The following CNTN1 variants were observed in gnomAD, a reference collection of about 807,000 sequenced individuals.
CNTN1 encodes the protein contactin-1.
Under a neutral mutation model 126.4 loss-of-function variants are expected in CNTN1, and 38 were observed. That is an observed-to-expected ratio of 0.30 (90% CI 0.23 to 0.39). The LOEUF (loss-of-function observed/expected upper bound fraction) is 0.39, where lower values mean the gene tolerates loss of function less well. Ranked by LOEUF, CNTN1 falls within the 10% of genes least tolerant of loss-of-function variation. The pLI is 1.00. For synonymous variants in CNTN1, 413 were observed against 422.6 expected, an observed-to-expected ratio of 0.98 and a Z score of 0.28; for missense variants, 1,009 against 1,248.4, an observed-to-expected ratio of 0.81 and a Z score of 2.89.
chr12:40,830,855 A>T (rs1322872223), intron 1 of CNTN1, among the ~76,000 whole-genome samples: 2 of 111,892 alleles, frequency 1.8e-5, no homozygotes, highest in Non-Finnish European at 3.6e-5. Context: ...TGTCTACCTA[A>T]CTATCTAGTT....
intron 23 of CNTN1, among the ~76,000 whole-genome samples, chr12:41,064,769 C>CTAGATAGA (rs59729389): frequency 0.31 from 45,961 of 150,570 alleles, 7,414 homozygotes; most frequent in African/African-American, 0.41. Flanking sequence ...TGCTACCTCT[C>CTAGATAGA]TAGATAGATA....
At chr12:40,953,688 A>C (rs570584679) in intron 14 of CNTN1, among the ~76,000 whole-genome samples, 3 of 152,052 alleles carry the variant, frequency 2.0e-5, no homozygotes, top group Non-Finnish European at 2.9e-5. Flanking sequence ...AAAAATCGTA[A>C]AAGAGTTCAT....
At chr12:41,052,022 T>G (rs1317114580) in intron 23 of CNTN1, among the ~76,000 whole-genome samples, 6 of 151,750 alleles carry the variant, frequency 4.0e-5, no homozygotes, top group Non-Finnish European at 8.8e-5. Context: ...GCAGACTCAC[T>G]CTCCACACAC....
rs1950172526 is a variant in CNTN1 at position 41,072,338 on chromosome 12, T to C, written c.*2303T>C. 1 of 152,234 alleles carries C rather than the reference T, an allele frequency of 6.6e-6. No individual in the cohort carries two copies. Among genetic ancestry groups the C allele is most frequent in the Non-Finnish European group, 1.5e-5 (1 of 68,038 alleles). 9.4% of individuals were successfully genotyped at this position (152,234 alleles called of 1,614,324 possible). A position where few individuals can be genotyped will look rare whatever the true frequency, so the allele number is the denominator to read the frequency against. ...TTATCATTTTTTCAATGGAGTAGTA[T>C]AGGACTGTGCTTTGTCCTTTTTATG... On this transcript the variant is annotated 3_prime_UTR_variant, in exon 24 of 24. Transcript: ENST00000551295.
At chr12:40,908,306 C>CTCCTCTCCTCCTCTCCCCTTCCTTCCCG in intron 1 of CNTN1, 51 bp from the exon 2 acceptor site, 1 of 647,900 alleles carries the variant, frequency 1.5e-6, no homozygotes, top group Non-Finnish European at 2.7e-6. Flanking sequence ...CTTCCTTCCC[C>CTCCTCTCCTCCTCTCCCCTTCCTTCCCG]TCTCCTTCCT....
chr12:40,791,839 A>G (rs1940232066), intron 1 of CNTN1, among the ~76,000 whole-genome samples: 1 of 152,106 alleles, frequency 6.6e-6, no homozygotes, highest in South Asian at 2.1e-4. Flanking sequence ...TGATATTTCA[A>G]TGATTGGGAG....
intron 1 of CNTN1, among the ~76,000 whole-genome samples, chr12:40,883,703 A>T (rs909247964): frequency 1.3e-5 from 2 of 151,636 alleles, no homozygotes; most frequent in African/African-American, 4.8e-5. Context: ...AAGCAAAAAA[A>T]TAATCTATTA....
At chr12:41,064,173 C>CAAAA (rs35620860) in intron 23 of CNTN1, among the ~76,000 whole-genome samples, 1 of 111,766 alleles carries the variant, frequency 8.9e-6, no homozygotes. Context: ...GACTCCATCT[C>CAAAA]AAAAAAAAAA....
chr12:41,002,267 G>T (rs191739871), intron 17 of CNTN1, among the ~76,000 whole-genome samples: 1 of 152,158 alleles, frequency 6.6e-6, no homozygotes, highest in African/African-American at 2.4e-5. Flanking sequence ...TTCTATCCAC[G>T]AGCATGGAAT....
At position 41,027,905 on chromosome 12, in the gene CNTN1, G is replaced by A. The variant is rs761797408; in HGVS notation, c.2759G>A (p.Arg920His). ...ATCAGTTCAGTAAGGTCTGGTTCAC[G>A]CTATATAATCACCTGGGATCATGTC... is the stretch of plus-strand genomic sequence containing the variant. ...RIISSVRSGS[R>H]YIITWDHVVA... The change falls in exon 22 of 24, where the codon CGC (arginine) becomes CAC (histidine). Residue 920 changes from arginine to histidine, a missense_variant. Arg to His is a conservative substitution (Grantham distance 29). Coordinates refer to ENST00000551295, the MANE Select transcript of CNTN1 (RefSeq NM_001843.4). The A allele has an allele frequency of 2.2e-5, 36 of 1,613,764 alleles. No homozygotes were observed. The highest frequency in any genetic ancestry group is 5.0e-5 in the Admixed American group (3 of 59,974).
At chr12:41,039,580 T>C (rs766499486) in intron 23 of CNTN1, among the ~76,000 whole-genome samples, 4 of 152,158 alleles carry the variant, frequency 2.6e-5, no homozygotes, top group Non-Finnish European at 5.9e-5. Context: ...AATATGCCTA[T>C]GAGACATCCC....
Position 41,072,195 on chromosome 12 carries a change from A to G in CNTN1, c.*2160A>G, listed in dbSNP as rs1328147618. ...ATAATCATCTGCTTTAAGACGCAAG[A>G]TTCTGAATTAAACTTTATATAGGTA... On this transcript the variant is annotated 3_prime_UTR_variant, in exon 24 of 24. Transcript: ENST00000551295. 6 of 152,218 alleles carry G rather than the reference A, an allele frequency of 3.9e-5. No individual in the cohort carries two copies. Among genetic ancestry groups the G allele is most frequent in the Non-Finnish European group, 5.9e-5 (4 of 68,034 alleles). The allele number at this position is 152,218 out of a possible 1,614,324, so 9.4% of individuals were successfully genotyped here. A position where few individuals can be genotyped will look rare whatever the true frequency, so the allele number is the denominator to read the frequency against.
At position 40,805,234 on chromosome 12, in the gene CNTN1, C is replaced by T. The variant is rs373396199; in HGVS notation, c.-76-103123C>T. Among the ~76,000 whole-genome samples, 35 of 152,020 alleles carry T rather than the reference C, an allele frequency of 2.3e-4. 1 individual carries two copies. The East Asian group carries it at 2.5e-3, about 11-fold the overall frequency. ...TTTTTGGAACATTTTCAATAACTAT[C>T]ATCTCAAAATTTCTTCTACCCCCTT... On this transcript the variant is annotated intron_variant, in intron 1 of 23. Coordinates refer to ENST00000551295, the MANE Select transcript of CNTN1 (RefSeq NM_001843.4).
At chr12:40,828,937 C>T (rs188969600) in intron 1 of CNTN1, among the ~76,000 whole-genome samples, 23 of 152,144 alleles carry the variant, frequency 1.5e-4, no homozygotes, top group Admixed American at 9.2e-4. Context: ...GGATAGATGA[C>T]GTGTTGTGAC....
intron 1 of CNTN1, among the ~76,000 whole-genome samples, chr12:40,709,979 C>T (rs1941870446): frequency 6.6e-6 from 1 of 152,122 alleles, no homozygotes; most frequent in African/African-American, 2.4e-5. Context: ...TTTATATTCA[C>T]AACTTAGCTA....
chr12:41,051,302 C>T (rs1424447357), intron 23 of CNTN1, among the ~76,000 whole-genome samples: 1 of 151,110 alleles, frequency 6.6e-6, no homozygotes, highest in African/African-American at 2.5e-5. Context: ...TGCCCGCCAC[C>T]ATGCCCAGAT....
At chr12:40,948,254 CTTTCTTTTTTTTTTTTT>C (rs1946509515) in intron 14 of CNTN1, among the ~76,000 whole-genome samples, 1 of 59,746 alleles carries the variant, frequency 1.7e-5, no homozygotes, top group African/African-American at 7.2e-5. Context: ...GTTTTTCTTT[CTTTCTTTTTTTTTTTTT>C]TTTTTTTTTT....
rs968149154 is a variant in CNTN1 at position 40,757,193 on chromosome 12, C to T, written c.-77+64601C>T. On this transcript the variant is annotated intron_variant, in intron 1 of 23. Transcript: ENST00000551295. ...TATTAATCCCATCATGGGGGTTCTA[C>T]TCCTATGATCTCATCTAAGTATAAT... Among the ~76,000 whole-genome samples, 6 of 152,012 alleles carry T rather than the reference C, an allele frequency of 3.9e-5. No individual in the cohort carries two copies. The East Asian group carries it at 1.2e-3, about 29-fold the overall frequency.
At chr12:40,816,534 T>G (rs931106979) in intron 1 of CNTN1, among the ~76,000 whole-genome samples, 1 of 152,052 alleles carries the variant, frequency 6.6e-6, no homozygotes, top group Non-Finnish European at 1.5e-5. Flanking sequence ...ATTTGATTCT[T>G]CTCTCTCTTC....
Sources: allele counts gnomAD v4.1 joint callset (sites outside exome capture counted in the v4.1 genomes callset), GRCh38; gene constraint gnomAD v4.1.1; transcripts MANE v1.5; gene names NCBI Gene and HGNC (gene_info 2026-07-23, HGNC 2026-07-21).